Variants in WIPI1 observed in about 807,000 individuals in gnomAD.
WIPI1 encodes the protein WD repeat domain phosphoinositide-interacting protein 1.
Under a neutral mutation model 55.3 loss-of-function variants are expected in WIPI1, and 45 were observed. The observed-to-expected ratio is 0.81, with a 90% CI of 0.64 to 1.04. The LOEUF is 1.04. WIPI1 is among the 50% of genes least tolerant of loss of function. The pLI is 0.00. For synonymous variants in WIPI1, 195 were observed against 217.6 expected (o/e 0.90, Z 0.92); for missense variants, 445 against 559.0 (o/e 0.80, Z 2.06).
intron 4 of WIPI1, among the ~76,000 whole-genome samples, chr17:68,437,518 C>G (rs905833208): frequency 2.0e-5 from 3 of 151,442 alleles, no homozygotes; most frequent in Non-Finnish European, 4.4e-5. Flanking sequence ...AGTGCCACTG[C>G]ACTCCAGCCT....
chr17:68,449,746 G>C (rs560674660), intron 3 of WIPI1, among the ~76,000 whole-genome samples: 1 of 152,358 alleles, frequency 6.6e-6, no homozygotes, highest in Admixed American at 6.5e-5. Context: ...ACAGCCTGCA[G>C]AACCTTGACC....
chr17:68,425,847 T>C (rs2083133139), intron 12 of WIPI1: 1 of 467,424 alleles, frequency 2.1e-6, no homozygotes, highest in African/African-American at 2.0e-5. Context: ...TGGATTAGTA[T>C]TCGGTGACTC....
At chr17:68,435,553 C>T (rs2083741983) in intron 6 of WIPI1, 67 bp downstream of exon 6, 5 of 1,497,886 alleles carry the variant, frequency 3.3e-6, no homozygotes, top group Non-Finnish European at 2.8e-6. Context: ...TGTTCAATCC[C>T]ATCCCTGCGC....
intron 11 of WIPI1, among the ~76,000 whole-genome samples, chr17:68,426,777 C>T (rs751184075): frequency 2.0e-5 from 3 of 152,186 alleles, no homozygotes; most frequent in African/African-American, 4.8e-5. Context: ...TCCAGTGATC[C>T]GCTGGCCTCA....
rs868658911 is a variant in WIPI1 at position 68,426,176 on chromosome 17, C to A, written c.1193-1G>T. ...AGCGCCCCGCCGTCCTCAGAATAACCTGGAAACCAAGAAAGAGACATGAAA... is the reference window on the plus strand; with the variant it reads ...AGCGCCCCGCCGTCCTCAGAATAACATGGAAACCAAGAAAGAGACATGAAA... On this transcript the variant is annotated splice_acceptor_variant, in intron 11 of 12. Transcript: ENST00000262139. LOFTEE classifies it high-confidence loss of function. The A allele has an allele frequency of 5.0e-6, 8 of 1,594,404 alleles. No individual in the cohort carries two copies. The highest frequency in any genetic ancestry group is 6.8e-6 in the Non-Finnish European group (8 of 1,171,452).
intron 5 of WIPI1, among the ~76,000 whole-genome samples, chr17:68,435,942 C>T (rs1414358813): frequency 1.3e-5 from 2 of 152,256 alleles, no homozygotes; most frequent in African/African-American, 4.8e-5. Flanking sequence ...GGGAAGGTGG[C>T]CACGAACGGA....
chr17:68,425,095 C>A (rs986042725), intron 12 of WIPI1, among the ~76,000 whole-genome samples: 5 of 152,200 alleles, frequency 3.3e-5, no homozygotes, highest in Admixed American at 6.5e-5. Flanking sequence ...CAGCCAGCCC[C>A]GAGGGCCCTA....
At chr17:68,450,506 A>G (rs909851359) in intron 3 of WIPI1, among the ~76,000 whole-genome samples, 1 of 152,192 alleles carries the variant, frequency 6.6e-6, no homozygotes, top group Non-Finnish European at 1.5e-5. Context: ...TCAGGGACCA[A>G]CGTTCTGGAA....
chr17:68,421,879 G>A, intron 12 of WIPI1, 59 bp from the exon 13 acceptor site: 2 of 1,608,300 alleles, frequency 1.2e-6, no homozygotes, highest in Non-Finnish European at 1.7e-6. Context: ...GTAGGCAGGT[G>A]CATTATCAAC....
chr17:68,427,364 T>G (rs1329846493), intron 10 of WIPI1, 111 bp from the exon 11 acceptor site: 2 of 832,670 alleles, frequency 2.4e-6, no homozygotes, highest in African/African-American at 3.4e-5. Flanking sequence ...GTGGGTTATT[T>G]ATTTATTTTT....
intron 3 of WIPI1, 42 bp downstream of exon 3, chr17:68,450,686 G>C: frequency 1.3e-6 from 2 of 1,564,280 alleles, no homozygotes; most frequent in Non-Finnish European, 1.7e-6. Context: ...TTTGGCTCCC[G>C]TTAGCAGAAG....
chr17:68,427,849 C>A (rs1329748867), intron 10 of WIPI1, among the ~76,000 whole-genome samples: 2 of 152,170 alleles, frequency 1.3e-5, no homozygotes, highest in Non-Finnish European at 2.9e-5. Context: ...CAGGAGAGCT[C>A]AGTCTGTGCC....
At chr17:68,446,189 T>TC (rs991076311) in intron 3 of WIPI1, among the ~76,000 whole-genome samples, 1 of 152,060 alleles carries the variant, frequency 6.6e-6, no homozygotes, top group Non-Finnish European at 1.5e-5. Context: ...TTTCTCAATT[T>TC]TTTTTTTTTC....
intron 1 of WIPI1, among the ~76,000 whole-genome samples, chr17:68,454,163 C>T (rs2084589844): frequency 1.3e-5 from 2 of 152,188 alleles, no homozygotes. Flanking sequence ...AAGTAAACAT[C>T]AAAGTCAACT....
rs559685779 is a variant in WIPI1, at chr17:68,430,210, C to T, written c.801-50G>A. On this transcript the variant is annotated intron_variant, in intron 8 of 12. Coordinates refer to ENST00000262139, the MANE Select transcript of WIPI1 (RefSeq NM_017983.7). ...ATGGGACTGGGCTGCAGGCCCCACA[C>T]GCACCCAGGAATCTCCACACCCAAG... 51 of 1,553,740 alleles carry T rather than the reference C, an allele frequency of 3.3e-5. 1 individual carries two copies. The East Asian group carries it at 5.2e-4, about 16-fold the overall frequency.
At position 68,450,839 on chromosome 17, in the gene WIPI1, T is replaced by TACC. The variant is rs1298040607; in HGVS notation, c.219_221dup (p.Val75dup). ...TCTGCCGTGGTTTTGTGTGACTGAC[T>TACC]ACCACCACCAGGCTGCTGGAGAAGA... On this transcript the variant is annotated inframe_insertion, in exon 3 of 13. Coordinates refer to ENST00000262139, the MANE Select transcript of WIPI1 (RefSeq NM_017983.7). The TACC allele has an allele frequency of 6.2e-7, 1 of 1,614,206 alleles. No individual in the cohort carries two copies. The highest frequency in any genetic ancestry group is 1.1e-5 in the South Asian group (1 of 91,086).
chr17:68,421,739 G>T lies in WIPI1; in HGVS notation c.*34C>A. The T allele has an allele frequency of 6.2e-7, 1 of 1,614,078 alleles. No individual in the cohort carries two copies. The highest frequency in any genetic ancestry group is 8.5e-7 in the Non-Finnish European group (1 of 1,179,974). ...TGTTTTCTCCAAAACCACCTGATAG[G>T]GGGGATGTCCTGATTTCTGAGGTGT... On this transcript the variant is annotated 3_prime_UTR_variant, in exon 13 of 13. Coordinates refer to ENST00000262139, the MANE Select transcript of WIPI1 (RefSeq NM_017983.7).
At chr17:68,444,306 C>A (rs113565011) in intron 4 of WIPI1, among the ~76,000 whole-genome samples, 187 bp downstream of exon 4, 1 of 152,168 alleles carries the variant, frequency 6.6e-6, no homozygotes, top group Non-Finnish European at 1.5e-5. Flanking sequence ...ACACAGCCCC[C>A]CTGCAGGACA....
chr17:68,425,954 G>T, intron 12 of WIPI1, 121 bp downstream of exon 12: 1 of 742,530 alleles, frequency 1.3e-6, no homozygotes, highest in Non-Finnish European at 2.3e-6. Context: ...AAATACTAGA[G>T]CAGAGAATTA....
Sources: gnomAD v4.1 joint callset for allele counts (sites outside exome capture counted in the v4.1 genomes callset) on GRCh38, gnomAD v4.1.1 for gene constraint, MANE v1.5 for transcripts, NCBI Gene and HGNC (gene_info 2026-07-23, HGNC 2026-07-21) for gene names.